Variants in RDM1 observed in about 807,000 individuals in gnomAD.
RDM1 encodes RAD52 motif containing 1, also known as RAD52 motif-containing protein 1.
Under a neutral mutation model 27.7 loss-of-function variants are expected in RDM1, and 28 were observed. The observed-to-expected ratio is 1.01, with a 90% CI of 0.75 to 1.39. The LOEUF is 1.39. Ranked by LOEUF, RDM1 falls within the 40% of genes most tolerant of loss-of-function variation. The pLI is 0.00. For synonymous variants in RDM1, 124 were observed against 127.5 expected, an observed-to-expected ratio of 0.97 and a Z score of 0.19; for missense variants, 277 against 337.3, an observed-to-expected ratio of 0.82 and a Z score of 1.40.
intron 3 of RDM1, 103 bp downstream of exon 3, chr17:35,925,412 C>G (rs2141942597): frequency 1.5e-6 from 2 of 1,317,774 alleles, no homozygotes; most frequent in East Asian, 4.7e-5. Flanking sequence ...AGAGGCCTCT[C>G]ACATCTCCTC....
rs1299921672 is a variant in RDM1, at chr17:35,922,579, A to G, written c.665T>C (p.Leu222Pro). Reference sequence around the variant, plus strand: ...AAGGATGATCAAGACAGTCTTACCTAGAACAACAATCAACAGTTTCTGGAA... The same window carrying G: ...AAGGATGATCAAGACAGTCTTACCTGGAACAACAATCAACAGTTTCTGGAA... ...DAFQKLLIVVLESGKIAVEYR... is the reference protein window; with the variant it reads ...DAFQKLLIVVPESGKIAVEYR... The change falls in exon 5 of 7, where the codon CTA becomes CCA. Residue 222 changes from leucine (L) to proline (P), a missense_variant and splice_region_variant. Coordinates refer to ENST00000620284, the MANE Select transcript of RDM1 (RefSeq NM_145654.4). The G allele has an allele frequency of 1.2e-6, 2 of 1,611,312 alleles. No individual in the cohort carries two copies. Among genetic ancestry groups the G allele is most frequent in the East Asian group, 2.2e-5 (1 of 44,862 alleles).
At chr17:35,922,240 A>T in intron 5 of RDM1, 2 of 230,522 alleles carry the variant, frequency 8.7e-6, no homozygotes, top group Non-Finnish European at 1.7e-5. Flanking sequence ...TAAAAATCTA[A>T]GAGACAGAGT....
At chr17:35,924,849 A>C in intron 3 of RDM1, 77 bp from the exon 4 acceptor site, 1 of 1,484,326 alleles carries the variant, frequency 6.7e-7, no homozygotes, top group African/African-American at 1.4e-5. Context: ...TAAAAGTAAA[A>C]ACTTGGCTGG....
At chr17:35,923,674 A>G (rs2089033578) in intron 4 of RDM1, among the ~76,000 whole-genome samples, 1 of 151,864 alleles carries the variant, frequency 6.6e-6, no homozygotes, top group South Asian at 2.1e-4. Flanking sequence ...AAAAAGAAAA[A>G]ACTTTGGTAC....
chr17:35,922,430 G>C (rs2088977803), intron 5 of RDM1, 147 bp downstream of exon 5: 1 of 973,552 alleles, frequency 1.0e-6, no homozygotes, highest in Non-Finnish European at 1.5e-6. Context: ...GAACAAATTT[G>C]AGCCTGTTGG....
intron 6 of RDM1, among the ~76,000 whole-genome samples, chr17:35,919,970 T>C (rs1598657119): frequency 6.6e-6 from 1 of 152,312 alleles, no homozygotes; most frequent in African/African-American, 2.4e-5. Context: ...GTAGTAATAC[T>C]CTGATAGTCC....
At chr17:35,930,361 A>C (rs919083043) in intron 1 of RDM1, 106 bp from the exon 2 acceptor site, 2 of 1,422,034 alleles carry the variant, frequency 1.4e-6, no homozygotes, top group Admixed American at 3.7e-5. Flanking sequence ...TGCGATTCAA[A>C]ACACTTCCCA....
At chr17:35,922,785 T>A in intron 4 of RDM1, 110 bp from the exon 5 acceptor site, 2 of 852,634 alleles carry the variant, frequency 2.3e-6, no homozygotes, top group Admixed American at 2.6e-5. Context: ...CCTTCATGAC[T>A]AAGGGCAGAT....
intron 4 of RDM1, 34 bp from the exon 5 acceptor site, chr17:35,922,709 C>T (rs775029987): frequency 1.3e-6 from 2 of 1,497,448 alleles, no homozygotes; most frequent in Admixed American, 4.3e-5. Context: ...ATTTAAGGTG[C>T]CTATTTGAAT....
chr17:35,924,662 AC>A lies in RDM1; in HGVS notation c.509del (p.Cys170LeufsTer27), dbSNP rs770647443. 12 of 1,613,942 alleles carry A rather than the reference AC, an allele frequency of 7.4e-6. No individual in the cohort carries two copies. Among genetic ancestry groups the A allele is most frequent in the Non-Finnish European group, 1.0e-5 (12 of 1,179,976 alleles). On this transcript the variant is annotated frameshift_variant, in exon 4 of 7. Transcript: ENST00000620284. LOFTEE classifies it high-confidence loss of function. ...AGCCAATGCCAGGACTCCTGCAATC[AC>A]AGGATGGCAACACCACTTCTAAAGC... ...FCALEVVLPS[C>X]DCRSPGIGLV...
In RDM1 at chr17:35,918,287, A is replaced by G. The variant is rs2088814095; in HGVS notation, c.*55T>C. 3.2e-5 allele frequency: 48 copies of G among 1,500,818 alleles called. 1 individual carries two copies. In the South Asian group the frequency reaches 4.1e-4, roughly 13 times the overall value. 93.0% of individuals were successfully genotyped at this position (1,500,818 alleles called of 1,614,324 possible). A position where few individuals can be genotyped will look rare whatever the true frequency, so the allele number is the denominator to read the frequency against. On this transcript the variant is annotated 3_prime_UTR_variant, in exon 7 of 7. Transcript: ENST00000620284. ...TGGTGGGGCGGCGTGGGGTAGGGGC[A>G]CGACAGAGCTTCCCAAGGAAGTTAC...
chr17:35,930,648 G>T lies in RDM1; in HGVS notation c.80C>A (p.Thr27Lys), dbSNP rs1418371048. 1 of 1,613,410 alleles carries T rather than the reference G, an allele frequency of 6.2e-7. No individual in the cohort carries two copies. Among genetic ancestry groups the T allele is most frequent in the Admixed American group, 1.7e-5 (1 of 59,952 alleles). The change falls in exon 1 of 7, where the codon ACG becomes AAG. Residue 27 changes from threonine (T) to lysine (K), a missense_variant. Thr to Lys is a moderately conservative substitution (Grantham distance 78). Coordinates refer to ENST00000620284, the MANE Select transcript of RDM1 (RefSeq NM_145654.4). ...LLVWELSSGPTAEALHHSLFT... is the reference protein window; with the variant it reads ...LLVWELSSGPKAEALHHSLFT... ...CCGGCTCACATGCAAAGCCTCGGCCGTGGGTCCGGAGCTCAGCTCCCACAC... is the reference window on the plus strand; with the variant it reads ...CCGGCTCACATGCAAAGCCTCGGCCTTGGGTCCGGAGCTCAGCTCCCACAC...
chr17:35,923,980 G>A (rs2089044342), intron 4 of RDM1, among the ~76,000 whole-genome samples: 1 of 152,080 alleles, frequency 6.6e-6, no homozygotes, highest in Admixed American at 6.5e-5. Flanking sequence ...TTGGGATCCT[G>A]AGGCAAGAGG....
intron 2 of RDM1, among the ~76,000 whole-genome samples, chr17:35,929,270 C>T (rs1234133382): frequency 6.6e-6 from 1 of 152,026 alleles, no homozygotes; most frequent in Non-Finnish European, 1.5e-5. Flanking sequence ...TTCATTCAGT[C>T]ATTTTTTAGA....
Position 35,930,647 on chromosome 17 carries a change from C to T in RDM1, c.81G>A (p.Thr27=), listed in dbSNP as rs746047907. Residue 27 remains threonine, a synonymous_variant, in exon 1 of 7, where the codon ACG becomes ACA. Transcript: ENST00000620284. ...CCCGGCTCACATGCAAAGCCTCGGCCGTGGGTCCGGAGCTCAGCTCCCACA... is the reference window on the plus strand; with the variant it reads ...CCCGGCTCACATGCAAAGCCTCGGCTGTGGGTCCGGAGCTCAGCTCCCACA... ...LLVWELSSGP[T]AEALHHSLFT... The T allele has an allele frequency of 6.2e-7, 1 of 1,613,534 alleles. No individual in the cohort carries two copies. Among genetic ancestry groups the T allele is most frequent in the Admixed American group, 1.7e-5 (1 of 59,972 alleles).
chr17:35,923,849 A>G (rs561236837), intron 4 of RDM1, among the ~76,000 whole-genome samples: 63 of 152,258 alleles, frequency 4.1e-4, no homozygotes, highest in African/African-American at 1.3e-3. Context: ...TCTATATTAG[A>G]CACTTTTTCT....
chr17:35,919,178 A>G (rs1328180524), intron 6 of RDM1, among the ~76,000 whole-genome samples: 1 of 152,208 alleles, frequency 6.6e-6, no homozygotes, highest in Non-Finnish European at 1.5e-5. Flanking sequence ...TGAAAGTTAA[A>G]TAAAACACTC....
chr17:35,925,419 C>T (rs939063629), intron 3 of RDM1, 96 bp downstream of exon 3: 2 of 1,394,744 alleles, frequency 1.4e-6, no homozygotes, highest in African/African-American at 2.9e-5. Flanking sequence ...TCTCACATCT[C>T]CTCCCTACAA....
chr17:35,925,410 C>G lies in RDM1; in HGVS notation c.399+105G>C, dbSNP rs527930480. ...AATTTATCCTCAATGGTAGAGGCCT[C>G]TCACATCTCCTCCCTACAATCCAGT... On this transcript the variant is annotated intron_variant, in intron 3 of 6. Transcript: ENST00000620284. 1.9e-4 allele frequency: 243 copies of G among 1,302,706 alleles called. 4 individuals are homozygous for G. In the South Asian group the frequency reaches 3.3e-3, roughly 18 times the overall value. 80.7% of individuals were successfully genotyped at this position (1,302,706 alleles called of 1,614,324 possible). A position where few individuals can be genotyped will look rare whatever the true frequency, so the allele number is the denominator to read the frequency against.
Sources: gnomAD v4.1 joint callset for allele counts (sites outside exome capture counted in the v4.1 genomes callset) on GRCh38, gnomAD v4.1.1 for gene constraint, MANE v1.5 for transcripts, NCBI Gene and HGNC (gene_info 2026-07-23, HGNC 2026-07-21) for gene names.